The following RIF1 variants were observed in gnomAD, a reference collection of about 807,000 sequenced individuals.
RIF1 encodes the protein telomere-associated protein RIF1.
Under a neutral mutation model 247.1 loss-of-function variants are expected in RIF1, and 45 were observed. The observed-to-expected ratio is 0.18, with a 90% CI of 0.14 to 0.23. The LOEUF is 0.23. Ranked by LOEUF, RIF1 falls within the 10% of genes least tolerant of loss-of-function variation. RIF1 has a pLI of 1.00. For synonymous variants in RIF1, 1,087 were observed against 978.8 expected, an observed-to-expected ratio of 1.11 and a Z score of -2.06; for missense variants, 2,967 against 2,862.5, an observed-to-expected ratio of 1.04 and a Z score of -0.83.
At chr2:151,499,517 C>G in exon 11 of RIF1, 1 of 636,020 alleles carries the variant, frequency 1.6e-6, no homozygotes, top group South Asian at 1.7e-5. Flanking sequence ...ACAAGTCAAC[C>G]TCTCTGTTCA....
the RIF1 span, chr2:151,513,461 C>T: frequency 1.4e-6 from 1 of 726,474 alleles, no homozygotes; most frequent in Non-Finnish European, 2.3e-6. Flanking sequence ...GGCAGATGTT[C>T]AAGAATGCCA....
Position 151,416,607 on chromosome 2 carries a change from G to T in RIF1, c.327G>T (p.Lys109Asn). The change falls in exon 5 of 36, where the codon AAG becomes AAT. Residue 109 changes from lysine to asparagine, a missense_variant. Physicochemically the swap from Lys to Asn is moderately conservative, Grantham distance 94 (BLOSUM62 0). Coordinates refer to ENST00000444746, the MANE Select transcript of RIF1 (RefSeq NM_018151.5). ...TTTCAAAATTGAATGATACCATTAA[G>T]AATTCAGACAAAAATGTACGTACTA... ...ELLSKLNDTI[K>N]NSDKNVRTRA... 2 of 1,607,648 alleles carry T rather than the reference G, an allele frequency of 1.2e-6. No individual in the cohort carries two copies. Among genetic ancestry groups the T allele is most frequent in the Non-Finnish European group, 1.7e-6 (2 of 1,178,560 alleles).
intron 3 of RIF1, among the ~76,000 whole-genome samples, chr2:151,412,423 C>T (rs531138620): frequency 6.6e-6 from 1 of 152,128 alleles, no homozygotes; most frequent in Admixed American, 6.6e-5. Flanking sequence ...TGGGTCCAAG[C>T]GATCCTCCCA....
chr2:151,414,925 TA>T lies in RIF1; in HGVS notation c.280+9del, dbSNP rs779179403. On this transcript the variant is annotated splice_region_variant and intron_variant, in intron 4 of 35. Coordinates refer to ENST00000444746, the MANE Select transcript of RIF1 (RefSeq NM_018151.5). ...AATTACCTCAGAATTATCAGGTAGA[TA>T]AATTTCTTATGACTTAATATTTTTA... is the stretch of plus-strand genomic sequence containing the variant. 4.5e-6 allele frequency: 7 copies of T among 1,541,762 alleles called. No individual in the cohort carries two copies. The highest frequency in any genetic ancestry group is 6.3e-6 in the Non-Finnish European group (7 of 1,116,780).
the RIF1 span, chr2:151,513,623 G>T: frequency 6.2e-7 from 1 of 1,610,314 alleles, no homozygotes; most frequent in East Asian, 2.2e-5. Flanking sequence ...CATAAAATCC[G>T]GAGTTTCATT....
rs149144403 is a variant in RIF1, at chr2:151,463,509, G to C, written c.3989G>C (p.Gly1330Ala). The C allele has an allele frequency of 5.0e-6, 8 of 1,613,976 alleles. No homozygotes were observed. In the South Asian group the frequency reaches 7.7e-5, roughly 16 times the overall value. The change falls in exon 30 of 36, where the codon GGT becomes GCT. Residue 1330 changes from glycine (G) to alanine (A), a missense_variant. Coordinates refer to ENST00000444746, the MANE Select transcript of RIF1 (RefSeq NM_018151.5). Reference protein sequence around the residue: ...GIVVLENNPPGLLNQTECVSD... With the variant: ...GIVVLENNPPALLNQTECVSD... ...GTAGTCTTAGAAAATAACCCACCTG[G>C]TTTGCTTAATCAAACAGAATGTGTG...
chr2:151,489,286 G>T (rs1010601480), intron 9 of RIF1, among the ~76,000 whole-genome samples: 6 of 152,166 alleles, frequency 3.9e-5, no homozygotes, highest in Non-Finnish European at 7.3e-5. Context: ...TAAACTAAGA[G>T]TTGTGAAGTA....
rs752076078 is a variant in RIF1, at chr2:151,465,127, G to A, written c.5607G>A (p.Ser1869=). 1.7e-5 allele frequency: 28 copies of A among 1,612,674 alleles called. No individual in the cohort carries two copies. Among genetic ancestry groups the A allele is most frequent in the East Asian group, 2.2e-5 (1 of 44,866 alleles). The part of the protein sequence containing the change: ...FKTVGPCLGD[S]KNVSQESLET... Reference sequence around the variant, plus strand: ...CTGTTGGCCCGTGTTTAGGAGACTCGAAAAATGTTTCACAGGAATCTTTGG... The same window carrying A: ...CTGTTGGCCCGTGTTTAGGAGACTCAAAAAATGTTTCACAGGAATCTTTGG... Residue 1869 remains serine, a synonymous_variant, in exon 30 of 36, where the codon TCG becomes TCA. Coordinates refer to ENST00000444746, the MANE Select transcript of RIF1 (RefSeq NM_018151.5).
the RIF1 span, chr2:151,531,940 T>G: frequency 7.6e-7 from 1 of 1,318,510 alleles, no homozygotes; most frequent in South Asian, 1.3e-5. Flanking sequence ...AGTTGTAGAG[T>G]GGGCTTTAAG....
chr2:151,494,669 AGAG>A (rs2058937809), intron 9 of RIF1, among the ~76,000 whole-genome samples: 1 of 151,990 alleles, frequency 6.6e-6, no homozygotes, highest in South Asian at 2.1e-4. Flanking sequence ...TTTTTGAGAC[AGAG>A]GAGTCTTGCT....
chr2:151,414,836 G>A lies in RIF1; in HGVS notation c.197G>A (p.Ser66Asn), dbSNP rs1394377802. The change falls in exon 4 of 36, where the codon AGT becomes AAT. Residue 66 changes from serine (S) to asparagine (N), a missense_variant. Physicochemically the swap from Ser to Asn is conservative, Grantham distance 46 (BLOSUM62 1). Transcript: ENST00000444746. Reference sequence around the variant, plus strand: ...TTGTTTTTGTAGACTCACATTTCCAGTCAAAACTCGGAGCTGAGTAGTGCT... The same window carrying A: ...TTGTTTTTGTAGACTCACATTTCCAATCAAAACTCGGAGCTGAGTAGTGCT... ...LYKVLKTHIS[S>N]QNSELSSAAL... The A allele has an allele frequency of 3.1e-6, 5 of 1,608,574 alleles. No homozygotes were observed. Among genetic ancestry groups the A allele is most frequent in the Non-Finnish European group, 4.2e-6 (5 of 1,177,846 alleles).
the RIF1 span, chr2:151,531,819 A>T: frequency 1.9e-6 from 3 of 1,612,826 alleles, no homozygotes; most frequent in African/African-American, 1.3e-5. Context: ...TGACTTTTGT[A>T]GTACGCAGGT....
exon 11 of RIF1, chr2:151,499,385 C>G: frequency 1.3e-6 from 2 of 1,528,564 alleles, no homozygotes; most frequent in Non-Finnish European, 1.8e-6. Flanking sequence ...TTTCTTTATA[C>G]AACACCTGTA....
intron 33 of RIF1, among the ~76,000 whole-genome samples, chr2:151,469,093 GT>G (rs779365501): frequency 6.6e-6 from 1 of 152,126 alleles, no homozygotes; most frequent in Non-Finnish European, 1.5e-5. Context: ...CCACACAGCT[GT>G]TAAGTCATCA....
intron 30 of RIF1, among the ~76,000 whole-genome samples, chr2:151,467,568 C>T (rs1457657053): frequency 1.3e-5 from 2 of 152,136 alleles, no homozygotes; most frequent in African/African-American, 4.8e-5. Flanking sequence ...TGGTCTTGAA[C>T]TCCTGACCTC....
intron 15 of RIF1, among the ~76,000 whole-genome samples, chr2:151,441,262 A>G (rs897314306): frequency 4.6e-5 from 7 of 152,164 alleles, no homozygotes; most frequent in African/African-American, 1.7e-4. Context: ...TTGGAGAGCA[A>G]TTTGGTAGGC....
chr2:151,444,772 T>C (rs759210666), intron 18 of RIF1, among the ~76,000 whole-genome samples: 2 of 152,200 alleles, frequency 1.3e-5, no homozygotes, highest in African/African-American at 2.4e-5. Context: ...TAGAAGACTT[T>C]GGAGTTGGCC....
rs1022810955 is a variant in RIF1, at chr2:151,437,136, T to A, written c.1373-105T>A. 8 of 1,218,704 alleles carry A rather than the reference T, an allele frequency of 6.6e-6. No individual in the cohort carries two copies. In the African/African-American group the frequency reaches 7.7e-5, roughly 12 times the overall value. The allele number at this position is 1,218,704 out of a possible 1,614,324, so 75.5% of individuals were successfully genotyped here. A position where few individuals can be genotyped will look rare whatever the true frequency, so the allele number is the denominator to read the frequency against. On this transcript the variant is annotated intron_variant, in intron 12 of 35. Coordinates refer to ENST00000444746, the MANE Select transcript of RIF1 (RefSeq NM_018151.5). Reference sequence around the variant, plus strand: ...GTGTATGAAATATGAATCTTTTTTTTATAGAAAACACACCTACTTAATAGA... The same window carrying A: ...GTGTATGAAATATGAATCTTTTTTTAATAGAAAACACACCTACTTAATAGA...
chr2:151,465,878 G>T lies in RIF1; in HGVS notation c.6358G>T (p.Val2120Leu). 1 of 1,613,766 alleles carries T rather than the reference G, an allele frequency of 6.2e-7. No homozygotes were observed. Among genetic ancestry groups the T allele is most frequent in the Non-Finnish European group, 8.5e-7 (1 of 1,179,624 alleles). Residue 2120 changes from valine (V) to leucine (L), a missense_variant, in exon 30 of 36, where the codon GTG becomes TTG. This residue lies in a region of RIF1 where 2,028 missense variants were observed against 1,825.6 expected (regional missense o/e 1.11). Transcript: ENST00000444746. ...LQEDHHTSQKVEEPSQCLASG... is the reference protein window; with the variant it reads ...LQEDHHTSQKLEEPSQCLASG... ...GGAAGATCACCATACTTCACAGAAAGTGGAGGAACCATCACAGTGTCTGGC... is the reference window on the plus strand; with the variant it reads ...GGAAGATCACCATACTTCACAGAAATTGGAGGAACCATCACAGTGTCTGGC...
Sources: allele counts gnomAD v4.1 joint callset (sites outside exome capture counted in the v4.1 genomes callset), GRCh38; gene constraint gnomAD v4.1.1; regional missense constraint gnomAD v4.1.1; transcripts MANE v1.5; gene names NCBI Gene and HGNC (gene_info 2026-07-23, HGNC 2026-07-21).